PCDHA9: variants seen among roughly 807,000 people sequenced by gnomAD.
The protein encoded by PCDHA9 is protocadherin alpha-9.
Under a neutral mutation model 62.0 loss-of-function variants are expected in PCDHA9, and 62 were observed. The ratio of observed to expected loss-of-function variants is 1.00; its 90% CI spans 0.81 to 1.23. The LOEUF (loss-of-function observed/expected upper bound fraction) is 1.23, where lower values mean the gene tolerates loss of function less well. PCDHA9 is among the 50% of genes most tolerant of loss of function. PCDHA9 has a pLI of 0.00. For missense variants in PCDHA9, 1,205 were observed against 1,249.8 expected, an observed-to-expected ratio of 0.96 and a Z score of 0.54; for synonymous variants, 557 against 567.6, an observed-to-expected ratio of 0.98 and a Z score of 0.27.
intron 1 of PCDHA9, chr5:140,858,598 T>C: frequency 7.7e-7 from 1 of 1,294,926 alleles, no homozygotes; most frequent in Non-Finnish European, 1.1e-6. Context: ...TTCCAGGAGT[T>C]TTAAAATTTT....
chr5:140,894,649 T>C (rs1270978331), intron 1 of PCDHA9, among the ~76,000 whole-genome samples: 3 of 152,024 alleles, frequency 2.0e-5, no homozygotes, highest in African/African-American at 7.2e-5. Context: ...ACTGAGTCTC[T>C]CTAATTCTGA....
intron 1 of PCDHA9, among the ~76,000 whole-genome samples, chr5:140,902,107 T>G (rs2069104126): frequency 6.6e-6 from 1 of 152,174 alleles, no homozygotes; most frequent in African/African-American, 2.4e-5. Flanking sequence ...CTTTAGATTT[T>G]TTTAAAACTG....
At chr5:140,917,337 G>T (rs1563019639) in intron 1 of PCDHA9, among the ~76,000 whole-genome samples, 1 of 142,560 alleles carries the variant, frequency 7.0e-6, no homozygotes, top group Non-Finnish European at 1.6e-5. Context: ...GGGAGGGGGG[G>T]GATGGTGTAG....
intron 1 of PCDHA9, chr5:140,877,040 T>C (rs1252847205): frequency 5.0e-6 from 8 of 1,612,450 alleles, no homozygotes; most frequent in Non-Finnish European, 5.1e-6. Context: ...CTGCAGCCGC[T>C]AGACCACGAG....
chr5:140,870,736 A>G lies in PCDHA9; in HGVS notation c.2394+19847A>G, dbSNP rs201357017. ...GCGCGATGCGGGCGTGCCGCCTCTG[A>G]GCAGCAACGTGACGCTGCAGGTGTT... On this transcript the variant is annotated intron_variant, in intron 1 of 3. Transcript: ENST00000532602. 8.7e-4 allele frequency: 1,399 copies of G among 1,613,426 alleles called. 10 individuals carry two copies. In the African/African-American group the frequency reaches 0.015, roughly 17 times the overall value.
chr5:140,877,467 G>T (rs1554169776), intron 1 of PCDHA9: 2 of 1,613,868 alleles, frequency 1.2e-6, no homozygotes, highest in Non-Finnish European at 1.7e-6. Flanking sequence ...CGGCCACGGT[G>T]CTGGTGTCGC....
At chr5:140,941,239 C>CTTTCTTTCTTTCT in intron 1 of PCDHA9, among the ~76,000 whole-genome samples, 1 of 134,600 alleles carries the variant, frequency 7.4e-6, no homozygotes, top group South Asian at 2.4e-4. Flanking sequence ...TTCTTTCTTT[C>CTTTCTTTCTTTCT]TTTCTTTCTT....
intron 1 of PCDHA9, chr5:140,877,741 A>T: frequency 1.2e-6 from 2 of 1,614,182 alleles, no homozygotes; most frequent in Non-Finnish European, 1.7e-6. Flanking sequence ...GAGGAGGCAG[A>T]GGGTGTGCTC....
intron 1 of PCDHA9, among the ~76,000 whole-genome samples, chr5:140,939,804 G>A (rs2092463605): frequency 6.6e-6 from 1 of 152,140 alleles, no homozygotes; most frequent in Non-Finnish European, 1.5e-5. Flanking sequence ...TGTTCTGCAT[G>A]TTCAAGAAAA....
intron 1 of PCDHA9, among the ~76,000 whole-genome samples, chr5:140,912,281 A>G (rs571303094): frequency 3.3e-5 from 5 of 152,200 alleles, no homozygotes; most frequent in Non-Finnish European, 7.4e-5. Context: ...ATACCCAGGA[A>G]CAATACTTTG....
chr5:140,858,306 G>A (rs1554151408), intron 1 of PCDHA9: 3 of 1,597,282 alleles, frequency 1.9e-6, no homozygotes, highest in South Asian at 1.1e-5. Flanking sequence ...CAGCAGAGGC[G>A]GCAGAGGGTG....
chr5:140,890,043 G>GT (rs1255415089), intron 1 of PCDHA9, among the ~76,000 whole-genome samples: 1 of 152,192 alleles, frequency 6.6e-6, no homozygotes, highest in Non-Finnish European at 1.5e-5. Context: ...ACTGTAGTGT[G>GT]TTGGAGCTGG....
At chr5:140,921,961 C>T (rs528457864) in intron 1 of PCDHA9, among the ~76,000 whole-genome samples, 88 of 151,252 alleles carry the variant, frequency 5.8e-4, no homozygotes, top group Non-Finnish European at 9.1e-4. Context: ...TCCCAGAAAA[C>T]CAAAGGAAAA....
At chr5:140,870,073 A>T in intron 1 of PCDHA9, 1 of 1,613,872 alleles carries the variant, frequency 6.2e-7, no homozygotes, top group Non-Finnish European at 8.5e-7. Context: ...GGCTACAGAT[A>T]AGGGGACTCC....
At chr5:140,882,531 C>A (rs781969592) in intron 1 of PCDHA9, 2 of 1,614,218 alleles carry the variant, frequency 1.2e-6, no homozygotes, top group Non-Finnish European at 1.7e-6. Context: ...TTTGTGAATT[C>A]TCGGATCGAC....
chr5:140,850,193 G>C lies in PCDHA9; in HGVS notation c.1698G>C (p.Leu566=), dbSNP rs2150472370. The change falls in exon 1 of 4, where the codon CTG becomes CTC. Residue 566 remains leucine, a synonymous_variant. Transcript: ENST00000532602. ...AGAACGACAATGCGCCGGCGCTGCT[G>C]ACACCTCGGATGAGGGGCACTGACG... ...LDENDNAPAL[L]TPRMRGTDGA... is the part of the protein sequence containing the mutation. 2 of 1,593,662 alleles carry C rather than the reference G, an allele frequency of 1.3e-6. No homozygotes were observed.
Position 140,850,485 on chromosome 5 carries a change from A to G in PCDHA9, c.1990A>G (p.Thr664Ala). 2 of 1,597,954 alleles carry G rather than the reference A, an allele frequency of 1.3e-6. No individual in the cohort carries two copies. Among genetic ancestry groups the G allele is most frequent in the Non-Finnish European group, 1.7e-6 (2 of 1,167,666 alleles). Residue 664 changes from threonine (T) to alanine (A), a missense_variant, in exon 1 of 4, where the codon ACT (threonine) becomes GCT (alanine). Thr to Ala is a moderately conservative substitution (Grantham distance 58). Coordinates refer to ENST00000532602, the MANE Select transcript of PCDHA9 (RefSeq NM_031857.2). Reference protein sequence around the residue: ...HGEPALTATATVLVSLVESGQ... With the variant: ...HGEPALTATAAVLVSLVESGQ... Reference sequence around the variant, plus strand: ...GGAGCCAGCGCTGACGGCCACGGCCACTGTGCTGGTGTCGCTGGTGGAGAG... The same window carrying G: ...GGAGCCAGCGCTGACGGCCACGGCCGCTGTGCTGGTGTCGCTGGTGGAGAG...
chr5:140,984,861 C>A (rs1163314869), intron 3 of PCDHA9, among the ~76,000 whole-genome samples: 1 of 151,870 alleles, frequency 6.6e-6, no homozygotes, highest in Non-Finnish European at 1.5e-5. Flanking sequence ...ATAATAACAC[C>A]TATTTTATTG....
chr5:140,859,869 C>T (rs2046062813), intron 1 of PCDHA9: 1 of 151,680 alleles, frequency 6.6e-6, no homozygotes, highest in South Asian at 2.1e-4. Flanking sequence ...TATATACTTC[C>T]CCCTCTGATA....
Sources: allele counts gnomAD v4.1 joint callset (sites outside exome capture counted in the v4.1 genomes callset), GRCh38; gene constraint gnomAD v4.1.1; transcripts MANE v1.5; gene names NCBI Gene and HGNC (gene_info 2026-07-23, HGNC 2026-07-21).